PHF24: variants seen among roughly 807,000 people sequenced by gnomAD.
The protein encoded by PHF24 is PHD finger protein 24.
A neutral mutation model predicts 42.6 loss-of-function variants in PHF24; 25 were observed. The ratio of observed to expected loss-of-function variants is 0.59; its 90% confidence interval spans 0.43 to 0.82. The LOEUF (loss-of-function observed/expected upper bound fraction) is 0.82, where lower values mean the gene tolerates loss of function less well. Ranked by LOEUF, PHF24 falls within the 40% of genes least tolerant of loss-of-function variation. The probability of loss-of-function intolerance (pLI) is 0.00; values close to 1 mark genes in which losing one functional copy is unlikely to be tolerated. For missense variants in PHF24, 470 were observed against 538.1 expected, an observed-to-expected ratio of 0.87 and a Z score of 1.25; for synonymous variants, 185 against 204.8, an observed-to-expected ratio of 0.90 and a Z score of 0.83.
chr9:34,743,736 A>G, the PHF24 span, among the ~76,000 whole-genome samples: 1 of 152,094 alleles, frequency 6.6e-6, no homozygotes, highest in South Asian at 2.1e-4. Flanking sequence ...CCTTTTGGAG[A>G]TGGTTGGTCC....
chr9:34,696,602 AC>A, the PHF24 span, among the ~76,000 whole-genome samples: 1 of 152,006 alleles, frequency 6.6e-6, no homozygotes, highest in Non-Finnish European at 1.5e-5. Context: ...CAGATCCAAG[AC>A]CCGAGTGTCT....
the PHF24 span, among the ~76,000 whole-genome samples, chr9:34,731,287 C>A: frequency 6.6e-6 from 1 of 152,128 alleles, no homozygotes; most frequent in African/African-American, 2.4e-5. Flanking sequence ...ACAAACATTC[C>A]AATTATACTT....
the PHF24 span, among the ~76,000 whole-genome samples, chr9:34,670,881 G>A: frequency 1.3e-5 from 2 of 152,182 alleles, no homozygotes; most frequent in African/African-American, 2.4e-5. Flanking sequence ...CAAGAGCAGG[G>A]TAAGGATGAG....
At chr9:34,686,160 T>C in the PHF24 span, among the ~76,000 whole-genome samples, 81,880 of 152,098 alleles carry the variant, frequency 0.54, 23,056 homozygotes, top group African/African-American at 0.68. Context: ...ACTGGAGAAA[T>C]GCCTGCTGAT....
At chr9:34,859,757 C>G in the PHF24 span, among the ~76,000 whole-genome samples, 1 of 152,170 alleles carries the variant, frequency 6.6e-6, no homozygotes, top group African/African-American at 2.4e-5. Context: ...TTACTCACTA[C>G]TAAGGTAAGG....
the PHF24 span, among the ~76,000 whole-genome samples, chr9:34,738,368 TGAGACA>T: frequency 6.6e-6 from 1 of 152,178 alleles, no homozygotes; most frequent in African/African-American, 2.4e-5. Flanking sequence ...TTATTTTTAT[TGAGACA>T]GAGTCTCGCT....
chr9:34,716,306 A>C, the PHF24 span, among the ~76,000 whole-genome samples: 4 of 152,276 alleles, frequency 2.6e-5, no homozygotes, highest in East Asian at 7.7e-4. Context: ...TGTGGTTCCA[A>C]ATTGGATAGG....
At chr9:34,702,041 T>G in the PHF24 span, among the ~76,000 whole-genome samples, 1 of 152,134 alleles carries the variant, frequency 6.6e-6, no homozygotes, top group Non-Finnish European at 1.5e-5. Context: ...AAAGGTTTCC[T>G]TATTCCAAGG....
the PHF24 span, among the ~76,000 whole-genome samples, chr9:34,703,469 C>T: frequency 6.6e-6 from 1 of 151,762 alleles, no homozygotes; most frequent in East Asian, 1.9e-4. Context: ...GCCCCCAGCC[C>T]ATTATTTTTA....
At chr9:34,749,568 A>ATT in the PHF24 span, among the ~76,000 whole-genome samples, 3 of 146,984 alleles carry the variant, frequency 2.0e-5, no homozygotes, top group Admixed American at 1.4e-4. Context: ...CCCTGTCTCA[A>ATT]TTTTTTTTTT....
At chr9:34,728,199 C>A in the PHF24 span, 1 of 880,688 alleles carries the variant, frequency 1.1e-6, no homozygotes, top group South Asian at 1.8e-5. Flanking sequence ...CCTGAAAAGT[C>A]CGTACTCTAA....
chr9:34,922,985 G>GCGA, the PHF24 span: 2 of 971,390 alleles, frequency 2.1e-6, no homozygotes, highest in Non-Finnish European at 2.9e-6. Context: ...TCTACCTGGG[G>GCGA]GGTGCTGCTG....
At chr9:34,689,962 T>C in the PHF24 span, 1 of 1,614,042 alleles carries the variant, frequency 6.2e-7, no homozygotes, top group Non-Finnish European at 8.5e-7. The surrounding 1 kb of genome is among the most constrained non-coding windows in gnomAD (Gnocchi z 4.1). Flanking sequence ...CTCTGGATGA[T>C]GCGTTCTACC....
At chr9:34,709,312 G>C in the PHF24 span, 1 of 1,541,126 alleles carries the variant, frequency 6.5e-7, no homozygotes, top group Admixed American at 1.9e-5. Context: ...CCTGAGCATA[G>C]CCTCCTTCTT....
chr9:34,929,807 C>T, the PHF24 span, among the ~76,000 whole-genome samples: 2 of 152,172 alleles, frequency 1.3e-5, no homozygotes, highest in East Asian at 1.9e-4. Flanking sequence ...GAAGAGAGAT[C>T]ACAAACCTAA....
intron 2 of PHF24, among the ~76,000 whole-genome samples, chr9:34,972,013 A>C (rs1474514821): frequency 1.3e-5 from 2 of 152,100 alleles, no homozygotes; most frequent in Non-Finnish European, 2.9e-5. Context: ...GGAGGTCACA[A>C]CACCAGGTGG....
chr9:34,668,183 A>T, the PHF24 span, among the ~76,000 whole-genome samples: 5 of 152,332 alleles, frequency 3.3e-5, no homozygotes, highest in East Asian at 5.8e-4. Flanking sequence ...CATAGCCCTG[A>T]CTGGAACTTG....
the PHF24 span, among the ~76,000 whole-genome samples, chr9:34,739,599 T>A: frequency 1.3e-5 from 2 of 152,108 alleles, no homozygotes; most frequent in Admixed American, 1.3e-4. Context: ...TTCGGATGTG[T>A]TCGGAGTTTC....
chr9:34,861,394 G>A, the PHF24 span, among the ~76,000 whole-genome samples: 3 of 152,182 alleles, frequency 2.0e-5, no homozygotes, highest in African/African-American at 4.8e-5. Context: ...CATTGAAAAG[G>A]ATCAAGCTGA....
Sources: allele counts gnomAD v4.1 joint callset (sites outside exome capture counted in the v4.1 genomes callset), GRCh38; gene constraint gnomAD v4.1.1; non-coding constraint Gnocchi (gnomAD v3.1); transcripts MANE v1.5; gene names NCBI Gene and HGNC (gene_info 2026-07-23, HGNC 2026-07-21).